Variants in ALDOB observed in about 807,000 individuals in gnomAD.
The protein encoded by ALDOB is aldolase, fructose-bisphosphate B, also known as fructose-bisphosphate aldolase B.
A neutral mutation model predicts 41.0 loss-of-function variants in ALDOB; 39 were observed. The observed-to-expected ratio is 0.95, with a 90% CI of 0.74 to 1.24. The LOEUF is 1.24. Ranked by LOEUF, ALDOB falls within the 50% of genes most tolerant of loss-of-function variation. ALDOB has a pLI of 0.00. For synonymous variants in ALDOB, 175 were observed against 168.8 expected, an observed-to-expected ratio of 1.04 and a Z score of -0.28; for missense variants, 530 against 457.3, an observed-to-expected ratio of 1.16 and a Z score of -1.45.
chr9:101,422,663 T>C (rs1285906850), intron 8 of ALDOB, among the ~76,000 whole-genome samples: 1 of 152,296 alleles, frequency 6.6e-6, no homozygotes, highest in East Asian at 1.9e-4. Flanking sequence ...AAAAATACAG[T>C]TAGGCAGAAG....
rs1291737267 is a variant in ALDOB at position 101,424,812 on chromosome 9, A to G, written c.999+31T>C. The G allele has an allele frequency of 2.5e-6, 4 of 1,611,122 alleles. No individual in the cohort carries two copies. The East Asian group carries it at 8.9e-5, about 36-fold the overall frequency. On this transcript the variant is annotated intron_variant, in intron 8 of 8. Coordinates refer to ENST00000647789, the MANE Select transcript of ALDOB (RefSeq NM_000035.4). Reference sequence around the variant, plus strand: ...AAGTCAAGCCCCAAATGTGAACATCATCAAGTAGATAAGAGGTGGCAGCAT... The same window carrying G: ...AAGTCAAGCCCCAAATGTGAACATCGTCAAGTAGATAAGAGGTGGCAGCAT...
chr9:101,421,749 G>C lies in ALDOB; in HGVS notation c.*60C>G. Reference sequence around the variant, plus strand: ...TCGAATTTCCAGGATTGGAGGAAAAGTTGCTCCCTTTCAGCCCTCCTACTA... The same window carrying C: ...TCGAATTTCCAGGATTGGAGGAAAACTTGCTCCCTTTCAGCCCTCCTACTA... On this transcript the variant is annotated 3_prime_UTR_variant, in exon 9 of 9. Transcript: ENST00000647789. 1 of 1,366,994 alleles carries C rather than the reference G, an allele frequency of 7.3e-7. No individual in the cohort carries two copies. The highest frequency in any genetic ancestry group is 1.0e-6 in the Non-Finnish European group (1 of 957,822). The allele number at this position is 1,366,994 out of a possible 1,614,324, so 84.7% of individuals were successfully genotyped here.
chr9:101,427,501 T>G lies in ALDOB; in HGVS notation c.521A>C (p.Tyr174Ser), dbSNP rs569126693. The part of the protein sequence containing the change: ...IQENANALAR[Y>S]ASICQQNGLV... Reference sequence around the variant, plus strand: ...GAGCACCTGCTGACAGATGCTGGCGTAGCGAGCCAGGGCGTTGGCGTTTTC... The same window carrying G: ...GAGCACCTGCTGACAGATGCTGGCGGAGCGAGCCAGGGCGTTGGCGTTTTC... Residue 174 changes from tyrosine to serine, a missense_variant, in exon 5 of 9, where the codon TAC becomes TCC. By Grantham distance (144) the Tyr-to-Ser change is moderately radical (BLOSUM62 -2). Coordinates refer to ENST00000647789, the MANE Select transcript of ALDOB (RefSeq NM_000035.4). The G allele has an allele frequency of 6.2e-7, 1 of 1,614,208 alleles. No individual in the cohort carries two copies. Among genetic ancestry groups the G allele is most frequent in the South Asian group, 1.1e-5 (1 of 91,084 alleles).
chr9:101,421,530 T>C lies in ALDOB; in HGVS notation c.*279A>G, dbSNP rs1422133382. ...TTCTTTGGATGAGGAGCCGATATTG[T>C]TTTAAAGCCTATTATTTTCTTGGGT... On this transcript the variant is annotated 3_prime_UTR_variant, in exon 9 of 9. Coordinates refer to ENST00000647789, the MANE Select transcript of ALDOB (RefSeq NM_000035.4). 4.1e-6 allele frequency: 2 copies of C among 483,076 alleles called. No individual in the cohort carries two copies. The highest frequency in any genetic ancestry group is 3.9e-5 in the African/African-American group (2 of 51,034). 29.9% of individuals were successfully genotyped at this position (483,076 alleles called of 1,614,324 possible). A position where few individuals can be genotyped will look rare whatever the true frequency, so the allele number is the denominator to read the frequency against.
intron 1 of ALDOB, among the ~76,000 whole-genome samples, chr9:101,434,586 C>T (rs74939247): frequency 2.1e-3 from 314 of 152,340 alleles, no homozygotes; most frequent in Non-Finnish European, 3.5e-3. Context: ...CACTTTTGTA[C>T]ATGATGCTTA....
intron 5 of ALDOB, 43 bp from the exon 6 acceptor site, chr9:101,426,681 C>T (rs1199720141): frequency 1.6e-6 from 2 of 1,212,460 alleles, no homozygotes; most frequent in Non-Finnish European, 2.5e-6. Context: ...GCTGTGCTCA[C>T]TGTTATCCTT....
intron 8 of ALDOB, 33 bp downstream of exon 8, chr9:101,424,810 T>A: frequency 6.2e-7 from 1 of 1,610,560 alleles, no homozygotes; most frequent in Non-Finnish European, 8.5e-7. Context: ...AATGTGAACA[T>A]CATCAAGTAG....
intron 5 of ALDOB, among the ~76,000 whole-genome samples, chr9:101,426,953 A>G (rs985016982): frequency 6.6e-6 from 1 of 152,236 alleles, no homozygotes; most frequent in Non-Finnish European, 1.5e-5. Flanking sequence ...CAGTGTTTAG[A>G]GTTCTAATTG....
chr9:101,430,861 G>T lies in ALDOB; in HGVS notation c.27C>A (p.Thr9=). 6.2e-7 allele frequency: 1 copy of T among 1,614,088 alleles called. No homozygotes were observed. Among genetic ancestry groups the T allele is most frequent in the Non-Finnish European group, 8.5e-7 (1 of 1,179,996 alleles). The change falls in exon 2 of 9, where the codon ACC becomes ACA. Residue 9 remains threonine (T), a synonymous_variant. Coordinates refer to ENST00000647789, the MANE Select transcript of ALDOB (RefSeq NM_000035.4). MAHRFPAL[T]QEQKKELSEI... ...CTGAGAGCTCCTTCTTCTGCTCCTG[G>T]GTGAGGGCTGGAAATCGGTGGGCCA...
At chr9:101,428,693 A>T (rs1048310109) in intron 3 of ALDOB, among the ~76,000 whole-genome samples, 170 bp from the exon 4 acceptor site, 2 of 152,236 alleles carry the variant, frequency 1.3e-5, no homozygotes, top group East Asian at 3.8e-4. Context: ...CCTAGAAGGT[A>T]CACTGTGAGA....
Position 101,430,863 on chromosome 9 carries a change from T to C in ALDOB, c.25A>G (p.Thr9Ala). MAHRFPAL[T>A]QEQKKELSEI... ...GAGAGCTCCTTCTTCTGCTCCTGGG[T>C]GAGGGCTGGAAATCGGTGGGCCATG... Residue 9 changes from threonine to alanine, a missense_variant, in exon 2 of 9, where the codon ACC (threonine) becomes GCC (alanine). By Grantham distance (58) the Thr-to-Ala change is moderately conservative (BLOSUM62 0). Coordinates refer to ENST00000647789, the MANE Select transcript of ALDOB (RefSeq NM_000035.4). 1.2e-6 allele frequency: 2 copies of C among 1,614,098 alleles called. No individual in the cohort carries two copies.
intron 1 of ALDOB, among the ~76,000 whole-genome samples, chr9:101,434,808 G>C (rs1831269285): frequency 6.6e-6 from 1 of 152,156 alleles, no homozygotes; most frequent in Admixed American, 6.5e-5. Flanking sequence ...CCCTGCCCCA[G>C]TATCTCTGGC....
At chr9:101,426,883 C>T (rs144557386) in intron 5 of ALDOB, among the ~76,000 whole-genome samples, 1 of 152,300 alleles carries the variant, frequency 6.6e-6, no homozygotes, top group African/African-American at 2.4e-5. Context: ...CTTTTTAGGG[C>T]ATCTAAGCAT....
At chr9:101,434,533 G>T (rs894863785) in intron 1 of ALDOB, among the ~76,000 whole-genome samples, 2 of 152,138 alleles carry the variant, frequency 1.3e-5, no homozygotes, top group African/African-American at 4.8e-5. Context: ...ATATGAGGAG[G>T]CTTATTTATT....
At chr9:101,432,931 A>G (rs1305954675) in intron 1 of ALDOB, among the ~76,000 whole-genome samples, 2 of 152,220 alleles carry the variant, frequency 1.3e-5, no homozygotes, top group Non-Finnish European at 2.9e-5. Flanking sequence ...CATCTGACAC[A>G]TTTATGTAGA....
Position 101,431,543 on chromosome 9 carries a change from T to A in ALDOB, c.-10-646A>T, listed in dbSNP as rs192138574. On this transcript the variant is annotated intron_variant, in intron 1 of 8. Transcript: ENST00000647789. The stretch of plus-strand genomic sequence containing the variant: ...GTGCCTCTGGGCTTGGGTTTCTCAC[T>A]GCCTATGAGGATGCTAAAGTTGTAT... Among the ~76,000 whole-genome samples, 44 of 152,318 alleles carry A rather than the reference T, an allele frequency of 2.9e-4. 1 individual carries two copies. Among genetic ancestry groups the A allele is most frequent in the African/African-American group, 1.0e-3 (42 of 41,574 alleles).
intron 7 of ALDOB, 150 bp from the exon 8 acceptor site, chr9:101,425,192 G>T: frequency 1.0e-6 from 1 of 1,001,396 alleles, no homozygotes; most frequent in Non-Finnish European, 1.5e-6. Flanking sequence ...GTTTGCTTTT[G>T]CTGAAGCTAG....
chr9:101,430,675 TA>T, intron 2 of ALDOB, 100 bp downstream of exon 2: 1 of 940,588 alleles, frequency 1.1e-6, no homozygotes, highest in African/African-American at 1.6e-5. Flanking sequence ...CCCGTGTACA[TA>T]AACCTTTACT....
At chr9:101,427,744 C>A in intron 4 of ALDOB, 102 bp from the exon 5 acceptor site, 1 of 1,432,602 alleles carries the variant, frequency 7.0e-7, no homozygotes, top group East Asian at 2.3e-5. Context: ...AGCTTTCAAT[C>A]CACTGTGCTT....
Sources: allele counts gnomAD v4.1 joint callset (sites outside exome capture counted in the v4.1 genomes callset), GRCh38; gene constraint gnomAD v4.1.1; transcripts MANE v1.5; gene names NCBI Gene and HGNC (gene_info 2026-07-23, HGNC 2026-07-21).